The following PRKDC variants were observed in gnomAD, a reference collection of about 807,000 sequenced individuals.
PRKDC encodes protein kinase, DNA-activated, catalytic subunit, also known as DNA-dependent protein kinase catalytic subunit.
Under a neutral mutation model 486.9 loss-of-function variants are expected in PRKDC, and 82 were observed. The ratio of observed to expected loss-of-function variants is 0.17; its 90% CI spans 0.14 to 0.20. The LOEUF (loss-of-function observed/expected upper bound fraction) is 0.20, where lower values mean the gene tolerates loss of function less well. Among genes scored for constraint, PRKDC ranks in the 10% least tolerant of loss-of-function variants. The pLI is 1.00. For missense variants in PRKDC, 4,504 were observed against 5,038.2 expected (o/e 0.89, Z 3.21); for synonymous variants, 1,895 against 1,837.0 (o/e 1.03, Z -0.81).
At chr8:47,935,483 G>C (rs888737295) in intron 13 of PRKDC, among the ~76,000 whole-genome samples, 2 of 151,894 alleles carry the variant, frequency 1.3e-5, no homozygotes, top group East Asian at 3.9e-4. Context: ...CTGGGGGACA[G>C]AGCGAGACTC....
intron 21 of PRKDC, among the ~76,000 whole-genome samples, chr8:47,926,249 G>A (rs1455405666): frequency 1.3e-5 from 2 of 151,986 alleles, no homozygotes; most frequent in Non-Finnish European, 2.9e-5. Flanking sequence ...TTGTAATTTT[G>A]GTCTCTAAAA....
chr8:47,825,535 C>CAAAAAAAA (rs2087719736), intron 63 of PRKDC, among the ~76,000 whole-genome samples: 1 of 115,574 alleles, frequency 8.7e-6, no homozygotes, highest in African/African-American at 3.6e-5. Flanking sequence ...AAAAAAAAAG[C>CAAAAAAAA]TAAACTATGT....
chr8:47,925,218 G>A (rs2090138166), intron 21 of PRKDC, among the ~76,000 whole-genome samples: 1 of 152,214 alleles, frequency 6.6e-6, no homozygotes, highest in African/African-American at 2.4e-5. Context: ...CTCACACAGA[G>A]AGAAAAACAG....
At chr8:47,935,553 T>C (rs1176925647) in intron 13 of PRKDC, among the ~76,000 whole-genome samples, 179 bp downstream of exon 13, 1 of 152,076 alleles carries the variant, frequency 6.6e-6, no homozygotes, top group Non-Finnish European at 1.5e-5. Flanking sequence ...AATAGAACTA[T>C]TAAAATTCAG....
At chr8:47,892,489 C>G (rs778741811) in intron 31 of PRKDC, among the ~76,000 whole-genome samples, 58 of 152,222 alleles carry the variant, frequency 3.8e-4, no homozygotes, top group Non-Finnish European at 7.6e-4. Flanking sequence ...CATCACCACG[C>G]CTGACTAACT....
At chr8:47,856,695 GT>G (rs567545635) in intron 49 of PRKDC, among the ~76,000 whole-genome samples, 1 of 152,174 alleles carries the variant, frequency 6.6e-6, no homozygotes, top group East Asian at 1.9e-4. Flanking sequence ...ATAACATGGT[GT>G]TATCATCTGG....
At chr8:47,947,527 G>A (rs2090554267) in intron 7 of PRKDC, among the ~76,000 whole-genome samples, 1 of 152,202 alleles carries the variant, frequency 6.6e-6, no homozygotes, top group Non-Finnish European at 1.5e-5. Flanking sequence ...AGCACCTTTG[G>A]GAGGGTAAGG....
chr8:47,887,121 T>C (rs1246571789), intron 35 of PRKDC, among the ~76,000 whole-genome samples: 2 of 152,174 alleles, frequency 1.3e-5, no homozygotes, highest in East Asian at 3.9e-4. Flanking sequence ...GCAGGGACTA[T>C]TTAAGGCCAG....
chr8:47,817,379 G>T, intron 68 of PRKDC, 71 bp downstream of exon 68: 1 of 1,113,842 alleles, frequency 9.0e-7, no homozygotes, highest in African/African-American at 1.6e-5. Flanking sequence ...CTAAACCATG[G>T]TTTGGAAGAA....
intron 66 of PRKDC, 126 bp downstream of exon 66, chr8:47,820,592 GA>G (rs2087567305): frequency 3.4e-6 from 2 of 583,370 alleles, no homozygotes; most frequent in Non-Finnish European, 4.9e-6. Flanking sequence ...AATTTTTGTT[GA>G]TTTTTTTCAT....
At position 47,937,348 on chromosome 8, in the gene PRKDC, G is replaced by A. The variant is rs147050043; in HGVS notation, c.1114-831C>T. ...CACATTTTAAATATTTATTCACACA[G>A]GAAGCATTTATTGGTTGTCAGCTAT... On this transcript the variant is annotated intron_variant, in intron 11 of 85. Transcript: ENST00000314191. 2.9e-3 allele frequency among the ~76,000 whole-genome samples: 440 copies of A among 152,280 alleles called. 3 individuals carry two copies. Among genetic ancestry groups the A allele is most frequent in the African/African-American group, 0.01 (431 of 41,560 alleles).
intron 72 of PRKDC, 147 bp downstream of exon 72, chr8:47,799,063 G>A (rs745572010): frequency 2.5e-5 from 27 of 1,061,730 alleles, no homozygotes; most frequent in Non-Finnish European, 2.9e-5. Flanking sequence ...CACTGCACCC[G>A]GCTGCCATTG....
chr8:47,849,652 G>A (rs937063149), intron 52 of PRKDC, 149 bp from the exon 53 acceptor site: 26 of 919,750 alleles, frequency 2.8e-5, no homozygotes, highest in Non-Finnish European at 1.6e-5. Context: ...GTAGGTGCTG[G>A]GGATGTCTGC....
intron 78 of PRKDC, among the ~76,000 whole-genome samples, chr8:47,783,479 A>G (rs1389388470): frequency 6.6e-6 from 1 of 151,672 alleles, no homozygotes; most frequent in Non-Finnish European, 1.5e-5. Flanking sequence ...AATCCCAGCT[A>G]CTCGGGAGGC....
At chr8:47,831,653 C>T (rs2087878720) in intron 60 of PRKDC, among the ~76,000 whole-genome samples, 161 bp downstream of exon 60, 1 of 152,190 alleles carries the variant, frequency 6.6e-6, no homozygotes, top group Non-Finnish European at 1.5e-5. Context: ...ATGAGGGCTG[C>T]ATCCCTGTGG....
rs78231671 is a variant in PRKDC at position 47,782,614 on chromosome 8, T to C, written c.11176-16A>G. 1,107 of 1,551,180 alleles carry C rather than the reference T, an allele frequency of 7.1e-4. 15 individuals carry two copies. The East Asian group carries it at 0.024, about 33-fold the overall frequency. On this transcript the variant is annotated splice_polypyrimidine_tract_variant and intron_variant, in intron 78 of 85. Transcript: ENST00000314191. This position sits in a 1 kb window ranked among gnomAD's most constrained non-coding sequence, Gnocchi z 4.9. Reference sequence around the variant, plus strand: ...TGACTGTCACCTTCAAAAATCAGAATGTCATCTCAGGGCACAGGCTAGCCA... The same window carrying C: ...TGACTGTCACCTTCAAAAATCAGAACGTCATCTCAGGGCACAGGCTAGCCA...
Position 47,887,696 on chromosome 8 carries a change from A to C in PRKDC, c.4423T>G (p.Leu1475Val). The C allele has an allele frequency of 6.2e-7, 1 of 1,607,422 alleles. No homozygotes were observed. The highest frequency in any genetic ancestry group is 8.5e-7 in the Non-Finnish European group (1 of 1,177,248). ...AGTTCTGTGCCAACAGAATGATGCA[A>C]ATCTGTGGACTAAAAGGAAGCCAAC... ...HNILPSQSTD[L>V]HHSVGTELLS... Residue 1475 changes from leucine (L) to valine (V), a missense_variant, in exon 35 of 86, where the codon TTG (leucine) becomes GTG (valine). This residue lies in a region of PRKDC where 1,969 missense variants were observed against 2,068.9 expected (regional missense o/e 0.95). Transcript: ENST00000314191.
rs1191227561 is a variant in PRKDC at position 47,773,127 on chromosome 8, T to C, written c.*1046A>G. 1 of 199,730 alleles carries C rather than the reference T, an allele frequency of 5.0e-6. No individual in the cohort carries two copies. The highest frequency in any genetic ancestry group is 2.3e-5 in the African/African-American group (1 of 43,356). 12.4% of individuals were successfully genotyped at this position (199,730 alleles called of 1,614,324 possible). ...ACACACTACTTTTGGAAAAAAACTTTATTAAACACTCAAGAGTATACTTCT... is the reference window on the plus strand; with the variant it reads ...ACACACTACTTTTGGAAAAAAACTTCATTAAACACTCAAGAGTATACTTCT... On this transcript the variant is annotated 3_prime_UTR_variant, in exon 86 of 86. Coordinates refer to ENST00000314191, the MANE Select transcript of PRKDC (RefSeq NM_006904.7).
intron 40 of PRKDC, 52 bp downstream of exon 40, chr8:47,877,672 C>T (rs2089117766): frequency 8.5e-6 from 12 of 1,418,300 alleles, no homozygotes; most frequent in Non-Finnish European, 1.1e-5. Context: ...GATAATTTCC[C>T]ACAAAACTGA....
Sources: allele counts gnomAD v4.1 joint callset (sites outside exome capture counted in the v4.1 genomes callset), GRCh38; gene constraint gnomAD v4.1.1; regional missense constraint gnomAD v4.1.1; non-coding constraint Gnocchi (gnomAD v3.1); transcripts MANE v1.5; gene names NCBI Gene and HGNC (gene_info 2026-07-23, HGNC 2026-07-21).